The following MEMO1 variants were observed in gnomAD, a reference collection of about 807,000 sequenced individuals.
MEMO1 encodes protein MEMO1.
A neutral mutation model predicts 45.2 loss-of-function variants in MEMO1; 6 were observed. That is an observed-to-expected ratio of 0.13 (90% CI 0.07 to 0.26). The LOEUF is 0.26. Ranked by LOEUF, MEMO1 falls within the 10% of genes least tolerant of loss-of-function variation. The pLI, the probability that MEMO1 is intolerant of heterozygous loss-of-function variation, is 1.00. For synonymous variants in MEMO1, 78 were observed against 124.3 expected, an observed-to-expected ratio of 0.63 and a Z score of 2.48; for missense variants, 184 against 370.5, an observed-to-expected ratio of 0.50 and a Z score of 4.13.
At chr2:31,925,470 C>G (rs1171829271) in intron 4 of MEMO1, among the ~76,000 whole-genome samples, 1 of 33,526 alleles carries the variant, frequency 3.0e-5, no homozygotes, top group Middle Eastern at 0.016. Flanking sequence ...AGCAAGACTC[C>G]GTCTCAAAAA....
chr2:31,972,748 A>G (rs1669560347), intron 2 of MEMO1, among the ~76,000 whole-genome samples: 1 of 152,174 alleles, frequency 6.6e-6, no homozygotes, highest in Non-Finnish European at 1.5e-5. Context: ...ATGGGAGGAA[A>G]TACTTGCAAA....
chr2:32,002,168 A>AAAT lies in MEMO1; in HGVS notation c.61+8018_61+8019insATT, dbSNP rs1553383012. On this transcript the variant is annotated intron_variant, in intron 2 of 9. Transcript: ENST00000404530. ...TCAAAAAAAAAAAAAAAAAAAAAAA[A>AAAT]ATATATATATATATATATACACACA... 9.4e-4 allele frequency among the ~76,000 whole-genome samples: 70 copies of AAAT among 74,848 alleles called. 1 individual carries two copies. The highest frequency in any genetic ancestry group is 1.1e-3 in the East Asian group (2 of 1,790). 49.1% of individuals were successfully genotyped at this position (74,848 alleles called of 152,430 possible). A position where few individuals can be genotyped will look rare whatever the true frequency, so the allele number is the denominator to read the frequency against.
chr2:31,909,271 C>T (rs1480498887), intron 6 of MEMO1, among the ~76,000 whole-genome samples: 1 of 152,064 alleles, frequency 6.6e-6, no homozygotes, highest in Non-Finnish European at 1.5e-5. Context: ...AACAATTAGT[C>T]AAGAGAAGAA....
chr2:31,998,938 A>C (rs1672935850), intron 2 of MEMO1, among the ~76,000 whole-genome samples: 1 of 152,166 alleles, frequency 6.6e-6, no homozygotes, highest in Admixed American at 6.5e-5. Flanking sequence ...AAATAACAAA[A>C]TTGAGCTCCT....
chr2:31,989,580 C>T (rs1285588260), intron 2 of MEMO1, among the ~76,000 whole-genome samples: 1 of 152,138 alleles, frequency 6.6e-6, no homozygotes, highest in Non-Finnish European at 1.5e-5. Flanking sequence ...ATTCATAGAT[C>T]TTAATGAAAA....
intron 4 of MEMO1, among the ~76,000 whole-genome samples, chr2:31,928,623 C>G (rs1683482041): frequency 6.6e-6 from 1 of 151,364 alleles, no homozygotes. Context: ...ATCAAAGAAT[C>G]ATTCTGTCAG....
chr2:32,002,447 CAT>C (rs1673525026), intron 2 of MEMO1, among the ~76,000 whole-genome samples: 1 of 149,910 alleles, frequency 6.7e-6, no homozygotes, highest in African/African-American at 2.5e-5. Context: ...ACATAATATA[CAT>C]ATATGAGTTA....
rs545006821 is a variant in MEMO1, at chr2:31,977,689, G to A, written c.61+32498C>T. On this transcript the variant is annotated intron_variant, in intron 2 of 9. Transcript: ENST00000404530. ...CCACCACTGCCACCGCCACCACCAC[G>A]CCTGGCTAATTTCTGCATTTTTTGT... Among the ~76,000 whole-genome samples the A allele has an allele frequency of 1.7e-4, 26 of 151,896 alleles. No individual in the cohort carries two copies. The East Asian group carries it at 2.3e-3, about 14-fold the overall frequency.
chr2:31,999,360 C>T (rs1672987424), intron 2 of MEMO1, among the ~76,000 whole-genome samples: 1 of 152,076 alleles, frequency 6.6e-6, no homozygotes, highest in African/African-American at 2.4e-5. Flanking sequence ...GACCATCTGA[C>T]TCAAGTAAAA....
chr2:31,993,949 C>CTTTTTTTTTTTT lies in MEMO1; in HGVS notation c.61+16226_61+16237dup, dbSNP rs397800267. Among the ~76,000 whole-genome samples, 67 of 73,612 alleles carry CTTTTTTTTTTTT rather than the reference C, an allele frequency of 9.1e-4. 6 individuals are homozygous for CTTTTTTTTTTTT. Among genetic ancestry groups the CTTTTTTTTTTTT allele is most frequent in the South Asian group, 1.9e-3 (3 of 1,546 alleles). The allele number at this position is 73,612 out of a possible 152,430, so 48.3% of individuals were successfully genotyped here. On this transcript the variant is annotated intron_variant, in intron 2 of 9. Transcript: ENST00000404530. ...AATACAGAAATATCATCAATACTTT[C>CTTTTTTTTTTTT]TTTTTTTTTTTTTTTTTTTTTTTTT... is the stretch of plus-strand genomic sequence containing the variant.
intron 2 of MEMO1, among the ~76,000 whole-genome samples, chr2:31,995,742 A>C (rs1672514959): frequency 6.6e-6 from 1 of 152,096 alleles, no homozygotes; most frequent in African/African-American, 2.4e-5. Context: ...AAGATGAAAA[A>C]TTTCCAAATT....
chr2:31,990,693 G>T (rs934683882), intron 2 of MEMO1, among the ~76,000 whole-genome samples: 3 of 151,136 alleles, frequency 2.0e-5, no homozygotes, highest in Non-Finnish European at 2.9e-5. Context: ...AGGTATGAGC[G>T]ACCACGCCTA....
At chr2:31,997,974 A>C (rs775537593) in intron 2 of MEMO1, among the ~76,000 whole-genome samples, 2 of 152,216 alleles carry the variant, frequency 1.3e-5, no homozygotes, top group Non-Finnish European at 2.9e-5. Context: ...AAAAATGCCC[A>C]GGCAAATCTA....
intron 2 of MEMO1, among the ~76,000 whole-genome samples, chr2:32,002,186 T>TATATATATAC (rs753352927): frequency 5.2e-5 from 6 of 116,052 alleles, no homozygotes; most frequent in African/African-American, 2.1e-4. Context: ...TATATATATA[T>TATATATATAC]ACACACACAC....
intron 6 of MEMO1, among the ~76,000 whole-genome samples, chr2:31,892,544 C>T (rs1472141610): frequency 1.3e-5 from 2 of 152,176 alleles, no homozygotes; most frequent in African/African-American, 4.8e-5. Context: ...CTCTTCCTCA[C>T]CTATTTTAAT....
At chr2:31,908,980 C>T (rs2148099237) in intron 6 of MEMO1, among the ~76,000 whole-genome samples, 1 of 152,272 alleles carries the variant, frequency 6.6e-6, no homozygotes, top group East Asian at 1.9e-4. Context: ...GAATGTGTCT[C>T]CTCTCCTCAT....
At chr2:31,921,028 G>C (rs1292437302) in intron 4 of MEMO1, 118 bp from the exon 5 acceptor site, 1 of 643,194 alleles carries the variant, frequency 1.6e-6, no homozygotes, top group Admixed American at 2.9e-5. Flanking sequence ...ATTACCAACT[G>C]TTAATGGCTG....
At chr2:31,997,126 T>C (rs1401097432) in intron 2 of MEMO1, among the ~76,000 whole-genome samples, 2 of 151,894 alleles carry the variant, frequency 1.3e-5, no homozygotes, top group South Asian at 2.1e-4. Context: ...GGGACCTCAA[T>C]GAAAAAAATA....
In MEMO1 at chr2:31,932,097, T is replaced by C; in HGVS notation, c.182A>G (p.His61Arg). 6.2e-7 allele frequency: 1 copy of C among 1,613,752 alleles called. No homozygotes were observed. Among genetic ancestry groups the C allele is most frequent in the East Asian group, 2.2e-5 (1 of 44,812 alleles). ...AGACGGATCCACTTGTTTATAAGCATGGGCAGCACAAGACCCACAGTACGT... is the reference window on the plus strand; with the variant it reads ...AGACGGATCCACTTGTTTATAAGCACGGGCAGCACAAGACCCACAGTACGT... ...GYTYCGSCAA[H>R]AYKQVDPSIT... Residue 61 changes from histidine (H) to arginine (R), a missense_variant, in exon 4 of 10, where the codon CAT becomes CGT. Physicochemically the swap from His to Arg is conservative, Grantham distance 29. This residue lies in a region of MEMO1 where 27 missense variants were observed against 82.1 expected (regional missense o/e 0.33). Transcript: ENST00000404530.
Sources: allele counts gnomAD v4.1 joint callset (sites outside exome capture counted in the v4.1 genomes callset), GRCh38; gene constraint gnomAD v4.1.1; regional missense constraint gnomAD v4.1.1; transcripts MANE v1.5; gene names NCBI Gene and HGNC (gene_info 2026-07-23, HGNC 2026-07-21).